WDR19: variants seen among roughly 807,000 people sequenced by gnomAD.
The protein encoded by WDR19 is WD repeat-containing protein 19.
A neutral mutation model predicts 180.0 loss-of-function variants in WDR19; 121 were observed. That is an observed-to-expected ratio of 0.67 (90% CI 0.58 to 0.78). WDR19 has a LOEUF of 0.78. Among genes scored for constraint, WDR19 ranks in the 30% least tolerant of loss-of-function variants. The pLI is 0.00. For missense variants in WDR19, 1,450 were observed against 1,640.7 expected, an observed-to-expected ratio of 0.88 and a Z score of 2.01; for synonymous variants, 497 against 540.7, an observed-to-expected ratio of 0.92 and a Z score of 1.12.
chr4:39,218,229 T>C lies in WDR19; in HGVS notation c.1479+124T>C, dbSNP rs1050703990. ...GAATCCAATACAATTAATGAAGTTA[T>C]CTGTGATTAATTATATACATTCATG... is the stretch of plus-strand genomic sequence containing the variant. On this transcript the variant is annotated intron_variant, in intron 14 of 36. Transcript: ENST00000399820. 9 of 1,210,086 alleles carry C rather than the reference T, an allele frequency of 7.4e-6. No individual in the cohort carries two copies. The African/African-American group carries it at 1.2e-4, about 16-fold the overall frequency. 75.0% of individuals were successfully genotyped at this position (1,210,086 alleles called of 1,614,324 possible). A position where few individuals can be genotyped will look rare whatever the true frequency, so the allele number is the denominator to read the frequency against.
intron 27 of WDR19, among the ~76,000 whole-genome samples, chr4:39,256,990 T>G (rs569923140): frequency 6.6e-6 from 1 of 152,342 alleles, no homozygotes; most frequent in South Asian, 2.1e-4. Context: ...AATTTCTTCC[T>G]AAGTGTGGTG....
At chr4:39,193,789 A>C (rs551163778) in intron 4 of WDR19, among the ~76,000 whole-genome samples, 156 of 152,182 alleles carry the variant, frequency 1.0e-3, no homozygotes, top group Non-Finnish European at 1.9e-3. Flanking sequence ...GCTTATGAAA[A>C]CACAGGTAGC....
intron 20 of WDR19, chr4:39,237,739 T>G (rs950542640): frequency 6.6e-6 from 1 of 152,208 alleles, no homozygotes; most frequent in Non-Finnish European, 1.5e-5. Flanking sequence ...GGAATCTTAG[T>G]ACATAACACA....
intron 20 of WDR19, among the ~76,000 whole-genome samples, chr4:39,236,609 A>T (rs1731412923): frequency 6.6e-6 from 1 of 152,152 alleles, no homozygotes; most frequent in South Asian, 2.1e-4. Context: ...AAATACATAT[A>T]TTTTTTTAAC....
chr4:39,183,001 C>T (rs756453551), intron 1 of WDR19, among the ~76,000 whole-genome samples: 2 of 152,076 alleles, frequency 1.3e-5, no homozygotes, highest in Non-Finnish European at 2.9e-5. Flanking sequence ...GCGCAGCTGC[C>T]CAGCGCCTTA....
At position 39,217,128 on chromosome 4, in the gene WDR19, C is replaced by A; in HGVS notation, c.1250-6C>A. 6.3e-7 allele frequency: 1 copy of A among 1,588,664 alleles called. No homozygotes were observed. Among genetic ancestry groups the A allele is most frequent in the Non-Finnish European group, 8.6e-7 (1 of 1,165,226 alleles). On this transcript the variant is annotated splice_polypyrimidine_tract_variant and splice_region_variant and intron_variant, in intron 12 of 36. Coordinates refer to ENST00000399820, the MANE Select transcript of WDR19 (RefSeq NM_025132.4). Reference sequence around the variant, plus strand: ...TTAATGTGTTGGTTTTTAAAAATTGCTACAGCTGTGAAAAAATTGAAAGAT... The same window carrying A: ...TTAATGTGTTGGTTTTTAAAAATTGATACAGCTGTGAAAAAATTGAAAGAT...
rs1395393322 is a variant in WDR19, at chr4:39,218,095, A to G, written c.1469A>G (p.Tyr490Cys). 6 of 1,612,828 alleles carry G rather than the reference A, an allele frequency of 3.7e-6. No individual in the cohort carries two copies. The highest frequency in any genetic ancestry group is 1.6e-4 in the Middle Eastern group (1 of 6,076). ...GCCTTAACTAGTGATTTCCTCATCT[A>G]TGGTACAGATGTATGTATTGCCTTC... ...CHALTSDFLI[Y>C]GTDTGVVQYF... is the part of the protein sequence containing the mutation. The change falls in exon 14 of 37, where the codon TAT becomes TGT. Residue 490 changes from tyrosine to cysteine, a missense_variant. By Grantham distance (194) the Tyr-to-Cys change is radical (BLOSUM62 -2). Transcript: ENST00000399820.
intron 17 of WDR19, among the ~76,000 whole-genome samples, chr4:39,230,553 G>C (rs183447443): frequency 6.6e-6 from 1 of 152,178 alleles, no homozygotes; most frequent in South Asian, 2.1e-4. Context: ...AGTGGGTAGG[G>C]TTATTAGGGT....
chr4:39,223,197 G>C (rs1729873881), intron 14 of WDR19, among the ~76,000 whole-genome samples: 1 of 152,094 alleles, frequency 6.6e-6, no homozygotes, highest in Admixed American at 6.6e-5. Flanking sequence ...ATGAAGTATT[G>C]CACAACTCTA....
intron 14 of WDR19, among the ~76,000 whole-genome samples, chr4:39,220,770 AG>A (rs1362809386): frequency 2.7e-5 from 4 of 150,144 alleles, no homozygotes; most frequent in African/African-American, 9.7e-5. Context: ...AGCCTCCCAA[AG>A]TGCTGGGATT....
Position 39,215,839 on chromosome 4 carries a change from A to G in WDR19, c.962-2A>G, listed in dbSNP as rs765198144. ...AATCATTTATTTTGTCGATTATTTC[A>G]GGATTGGGTACCTTGTCCTGGACTG... On this transcript the variant is annotated splice_acceptor_variant, in intron 10 of 36. Transcript: ENST00000399820. LOFTEE classifies it high-confidence loss of function. 1 of 1,598,402 alleles carries G rather than the reference A, an allele frequency of 6.3e-7. No individual in the cohort carries two copies. Among genetic ancestry groups the G allele is most frequent in the East Asian group, 2.2e-5 (1 of 44,542 alleles).
intron 7 of WDR19, 27 bp downstream of exon 7, chr4:39,203,749 C>T (rs1488160484): frequency 1.3e-6 from 2 of 1,577,256 alleles, no homozygotes; most frequent in African/African-American, 2.7e-5. Context: ...AATCCACGTG[C>T]AAATCATTTG....
chr4:39,205,028 G>A (rs1727800383), intron 7 of WDR19, 126 bp from the exon 8 acceptor site: 2 of 633,354 alleles, frequency 3.2e-6, no homozygotes, highest in Non-Finnish European at 5.5e-6. Flanking sequence ...ACTAGTTACA[G>A]CATTTAGCAC....
At chr4:39,253,418 G>A (rs1733442381) in intron 25 of WDR19, 126 bp downstream of exon 25, 3 of 1,132,398 alleles carry the variant, frequency 2.6e-6, no homozygotes, top group Non-Finnish European at 2.5e-6. Flanking sequence ...TCAGGTCTAA[G>A]CGTTTAAATT....
At chr4:39,186,795 A>T (rs1725605678) in intron 3 of WDR19, among the ~76,000 whole-genome samples, 191 bp downstream of exon 3, 2 of 152,218 alleles carry the variant, frequency 1.3e-5, no homozygotes, top group African/African-American at 4.8e-5. Flanking sequence ...CTATCTATAA[A>T]CACCCATATA....
Position 39,209,729 on chromosome 4 carries a change from A to AAC in WDR19, c.890+3993_890+3994insAC, listed in dbSNP as rs1728304239. On this transcript the variant is annotated intron_variant, in intron 9 of 36. Coordinates refer to ENST00000399820, the MANE Select transcript of WDR19 (RefSeq NM_025132.4). Reference sequence around the variant, plus strand: ...TCTGTCTCAAAAAAAAAAAAAAAAAATCAATTAAACAAGAAGCTGGTTCTT... The same window carrying AAC: ...TCTGTCTCAAAAAAAAAAAAAAAAAAACTCAATTAAACAAGAAGCTGGTTCTT... Among the ~76,000 whole-genome samples the AAC allele has an allele frequency of 8.0e-5, 12 of 150,822 alleles. 1 individual carries two copies. In the South Asian group the frequency reaches 2.5e-3, roughly 31 times the overall value.
chr4:39,281,936 C>A (rs569826584), intron 36 of WDR19, among the ~76,000 whole-genome samples: 14 of 152,128 alleles, frequency 9.2e-5, no homozygotes, highest in African/African-American at 3.4e-4. Flanking sequence ...TTTCCTGACA[C>A]GTGACCCTCC....
At chr4:39,190,000 T>C (rs1313480504) in intron 4 of WDR19, among the ~76,000 whole-genome samples, 1 of 152,208 alleles carries the variant, frequency 6.6e-6, no homozygotes, top group Non-Finnish European at 1.5e-5. Flanking sequence ...TGGAACAGAC[T>C]AAGAAGTGCA....
intron 36 of WDR19, among the ~76,000 whole-genome samples, chr4:39,282,299 G>A (rs1736617911): frequency 6.6e-6 from 1 of 152,192 alleles, no homozygotes; most frequent in South Asian, 2.1e-4. Context: ...AGATCATTTT[G>A]AGAACTGACA....
Sources: allele counts gnomAD v4.1 joint callset (sites outside exome capture counted in the v4.1 genomes callset), GRCh38; gene constraint gnomAD v4.1.1; transcripts MANE v1.5; gene names NCBI Gene and HGNC (gene_info 2026-07-23, HGNC 2026-07-21).